SEMA5A: variants seen among roughly 807,000 people sequenced by gnomAD.
SEMA5A encodes the protein semaphorin 5A.
A neutral mutation model predicts 135.5 loss-of-function variants in SEMA5A; 55 were observed. The ratio of observed to expected loss-of-function variants is 0.41; its 90% CI spans 0.33 to 0.51. The LOEUF is 0.51. SEMA5A is among the 20% of genes least tolerant of loss of function. The pLI is 0.37. For missense variants in SEMA5A, 1,290 were observed against 1,419.9 expected, an observed-to-expected ratio of 0.91 and a Z score of 1.47; for synonymous variants, 580 against 546.5, an observed-to-expected ratio of 1.06 and a Z score of -0.85.
At chr5:9,313,577 T>G (rs759215602) in intron 5 of SEMA5A, among the ~76,000 whole-genome samples, 1 of 152,170 alleles carries the variant, frequency 6.6e-6, no homozygotes, top group Non-Finnish European at 1.5e-5. Context: ...TAATATCATC[T>G]AATTCTGAAC....
chr5:9,499,292 T>C lies in SEMA5A; in HGVS notation c.-175+46292A>G, dbSNP rs433417. 9.2e-3 allele frequency among the ~76,000 whole-genome samples: 1,402 copies of C among 152,324 alleles called. 32 individuals are homozygous for C. The highest frequency in any genetic ancestry group is 0.032 in the African/African-American group (1,332 of 41,566). On this transcript the variant is annotated intron_variant, in intron 1 of 22. Transcript: ENST00000382496. The stretch of plus-strand genomic sequence containing the variant: ...AAGAATTTAGTGTCGTGTCCTTATT[T>C]TCTTTCCACCTCACCTGACTCAATT...
chr5:9,494,790 G>T (rs1409484477), intron 1 of SEMA5A, among the ~76,000 whole-genome samples: 2 of 152,156 alleles, frequency 1.3e-5, no homozygotes, highest in Non-Finnish European at 2.9e-5. Context: ...GTTAAATTTA[G>T]ATATTAGGCA....
chr5:9,321,819 T>A (rs1220699868), intron 4 of SEMA5A, among the ~76,000 whole-genome samples: 1 of 152,232 alleles, frequency 6.6e-6, no homozygotes, highest in East Asian at 1.9e-4. Context: ...TTTGGTGATA[T>A]CTCATGGTTC....
intron 16 of SEMA5A, among the ~76,000 whole-genome samples, chr5:9,093,298 A>G (rs1449220048): frequency 1.3e-5 from 2 of 152,214 alleles, no homozygotes; most frequent in Non-Finnish European, 2.9e-5. Context: ...CTGTAAGAAA[A>G]AATAATTTAA....
At chr5:9,344,998 C>A (rs192302645) in intron 3 of SEMA5A, among the ~76,000 whole-genome samples, 3 of 152,068 alleles carry the variant, frequency 2.0e-5, no homozygotes, top group African/African-American at 7.2e-5. Context: ...CTATTTTCTT[C>A]CCCATCACAG....
At chr5:9,047,928 C>A (rs897485887) in intron 21 of SEMA5A, among the ~76,000 whole-genome samples, 1 of 152,072 alleles carries the variant, frequency 6.6e-6, no homozygotes, top group Non-Finnish European at 1.5e-5. Flanking sequence ...GTTCTCAAGG[C>A]CCTTGAAGGT....
At chr5:9,199,961 T>C (rs867474985) in intron 9 of SEMA5A, among the ~76,000 whole-genome samples, 7 of 152,280 alleles carry the variant, frequency 4.6e-5, no homozygotes, top group Middle Eastern at 3.4e-3. Context: ...TTGACGAATG[T>C]ACAGAGGCAA....
intron 16 of SEMA5A, among the ~76,000 whole-genome samples, chr5:9,098,490 C>T (rs898856458): frequency 5.9e-5 from 9 of 152,116 alleles, no homozygotes; most frequent in African/African-American, 2.2e-4. Context: ...GCACTACAAT[C>T]AATGACGGAA....
intron 4 of SEMA5A, among the ~76,000 whole-genome samples, chr5:9,332,759 T>C (rs1189816263): frequency 6.6e-6 from 1 of 152,262 alleles, no homozygotes; most frequent in Non-Finnish European, 1.5e-5. Context: ...GTGCCTTTTG[T>C]TCCCTTGGTG....
intron 15 of SEMA5A, among the ~76,000 whole-genome samples, chr5:9,117,056 T>C (rs572617686): frequency 6.6e-6 from 1 of 152,226 alleles, no homozygotes; most frequent in Non-Finnish European, 1.5e-5. Context: ...TTTCACGTTT[T>C]CCTCCATTGA....
intron 12 of SEMA5A, among the ~76,000 whole-genome samples, chr5:9,143,617 C>T (rs961781035): frequency 6.6e-6 from 1 of 152,138 alleles, no homozygotes; most frequent in Non-Finnish European, 1.5e-5. Flanking sequence ...TACAGTAAAG[C>T]ATTTCAGGAA....
intron 3 of SEMA5A, among the ~76,000 whole-genome samples, chr5:9,354,739 A>G (rs1197552769): frequency 2.0e-5 from 3 of 152,224 alleles, no homozygotes; most frequent in African/African-American, 7.2e-5. Context: ...AAAACAGAGT[A>G]ACTTTGTAGA....
intron 8 of SEMA5A, among the ~76,000 whole-genome samples, chr5:9,212,013 A>G (rs1746370514): frequency 6.6e-6 from 1 of 152,168 alleles, no homozygotes; most frequent in Admixed American, 6.5e-5. Flanking sequence ...TTTCCACCAG[A>G]GAAGGAAAGC....
intron 11 of SEMA5A, among the ~76,000 whole-genome samples, chr5:9,178,262 G>A (rs1744308160): frequency 6.6e-6 from 1 of 151,312 alleles, no homozygotes; most frequent in South Asian, 2.1e-4. Flanking sequence ...GCACACTTGG[G>A]TCTTACAAAA....
chr5:9,369,784 A>G (rs1755061332), intron 3 of SEMA5A, among the ~76,000 whole-genome samples: 1 of 152,040 alleles, frequency 6.6e-6, no homozygotes, highest in Admixed American at 6.6e-5. Context: ...ACAAACCAAA[A>G]AAAAAAAAAT....
At chr5:9,505,706 C>T (rs1236725252) in intron 1 of SEMA5A, among the ~76,000 whole-genome samples, 2 of 152,228 alleles carry the variant, frequency 1.3e-5, no homozygotes, top group South Asian at 2.1e-4. Flanking sequence ...CCTCTGCTGG[C>T]AGCTTTTCCC....
chr5:9,242,237 C>A lies in SEMA5A; in HGVS notation c.271-4347G>T, dbSNP rs1425119390. ...ACTTGAATAAAATGTCAACCTATAA[C>A]AGTAACTTTGAGAGAGGACATCTTT... On this transcript the variant is annotated intron_variant, in intron 5 of 22. Transcript: ENST00000382496. Among the ~76,000 whole-genome samples, 3 of 152,254 alleles carry A rather than the reference C, an allele frequency of 2.0e-5. No homozygotes were observed. The East Asian group carries it at 5.8e-4, about 29-fold the overall frequency.
chr5:9,487,534 G>A (rs1414573028), intron 1 of SEMA5A, among the ~76,000 whole-genome samples: 1 of 152,074 alleles, frequency 6.6e-6, no homozygotes, highest in Non-Finnish European at 1.5e-5. Flanking sequence ...ATGGGGAGAG[G>A]AAGGTTCTTG....
intron 1 of SEMA5A, among the ~76,000 whole-genome samples, chr5:9,473,383 TAAAAAAA>T (rs58137756): frequency 6.3e-5 from 5 of 79,700 alleles, no homozygotes; most frequent in Admixed American, 1.8e-4. Flanking sequence ...CAATCAGTGG[TAAAAAAA>T]AAAAAAAAAA....
Sources: allele counts gnomAD v4.1 joint callset (sites outside exome capture counted in the v4.1 genomes callset), GRCh38; gene constraint gnomAD v4.1.1; transcripts MANE v1.5; gene names NCBI Gene and HGNC (gene_info 2026-07-23, HGNC 2026-07-21).